The following DLG1 variants were observed in gnomAD, a reference collection of about 807,000 sequenced individuals.
DLG1 encodes the protein disks large homolog 1.
DLG1 carries 42 observed loss-of-function variants against 123.4 expected under a neutral mutation model. The observed-to-expected ratio is 0.34, with a 90% confidence interval of 0.27 to 0.44. The LOEUF is 0.44. Among genes scored for constraint, DLG1 ranks in the 20% least tolerant of loss-of-function variants. The probability of loss-of-function intolerance (pLI) is 1.00; values close to 1 mark genes in which losing one functional copy is unlikely to be tolerated. For synonymous variants in DLG1, 317 were observed against 356.2 expected (o/e 0.89, Z 1.24); for missense variants, 942 against 1,082.6 (o/e 0.87, Z 1.82).
At chr3:197,183,761 A>G (rs920128229) in intron 5 of DLG1, 1 of 1,550,470 alleles carries the variant, frequency 6.4e-7, no homozygotes, top group Non-Finnish European at 8.7e-7. Context: ...TGCCTCCTCG[A>G]CTGCCGCGAG....
In DLG1 at chr3:197,295,623, G is replaced by A. The variant is rs192172634; in HGVS notation, c.151+723C>T. 3.3e-5 allele frequency among the ~76,000 whole-genome samples: 5 copies of A among 152,240 alleles called. No individual in the cohort carries two copies. In the East Asian group the frequency reaches 5.8e-4, roughly 18 times the overall value. On this transcript the variant is annotated intron_variant, in intron 3 of 24. Transcript: ENST00000667157. ...ATAGGAGATTATACACAAAATATGA[G>A]ATGATGCTTTTAAAAATGATTTATC...
chr3:197,180,177 T>C (rs1041924253), intron 5 of DLG1, among the ~76,000 whole-genome samples: 1 of 151,426 alleles, frequency 6.6e-6, no homozygotes, highest in African/African-American at 2.4e-5. Context: ...GACTGAACAC[T>C]TCACAGTTAT....
chr3:197,087,539 T>A (rs116369250), intron 15 of DLG1, among the ~76,000 whole-genome samples: 139 of 152,214 alleles, frequency 9.1e-4, no homozygotes, highest in Non-Finnish European at 1.6e-3. Flanking sequence ...GGCTTCTGAT[T>A]AACTATAGCA....
chr3:197,201,073 T>G (rs1162037044), intron 4 of DLG1, among the ~76,000 whole-genome samples: 4 of 152,162 alleles, frequency 2.6e-5, no homozygotes, highest in Non-Finnish European at 5.9e-5. Context: ...GACATCATCT[T>G]TTATCTAAAA....
At chr3:197,096,591 G>T (rs1052718899) in intron 14 of DLG1, among the ~76,000 whole-genome samples, 1 of 152,166 alleles carries the variant, frequency 6.6e-6, no homozygotes, top group Non-Finnish European at 1.5e-5. Context: ...GAAAGAGAAG[G>T]TCTATTTTTG....
intron 4 of DLG1, among the ~76,000 whole-genome samples, chr3:197,277,739 CTTT>C (rs574355850): frequency 6.6e-6 from 1 of 152,024 alleles, no homozygotes; most frequent in African/African-American, 2.4e-5. Flanking sequence ...TTTACTCTTG[CTTT>C]TTTTTAAGTC....
chr3:197,176,194 TTA>T (rs1012518788), intron 5 of DLG1, among the ~76,000 whole-genome samples: 11 of 152,120 alleles, frequency 7.2e-5, no homozygotes, highest in African/African-American at 2.7e-4. Context: ...TTAATAGACT[TTA>T]TATATTTTTT....
chr3:197,160,624 T>C (rs1349798715), intron 5 of DLG1, among the ~76,000 whole-genome samples: 1 of 152,174 alleles, frequency 6.6e-6, no homozygotes, highest in African/African-American at 2.4e-5. Context: ...AATTCAGTCT[T>C]ATTACAGTAA....
At chr3:197,053,864 G>A (rs867365230) in intron 23 of DLG1, among the ~76,000 whole-genome samples, 33 of 152,084 alleles carry the variant, frequency 2.2e-4, no homozygotes, top group Middle Eastern at 3.4e-3. Flanking sequence ...AGGCTGAGGT[G>A]GGTGGATCAC....
intron 4 of DLG1, among the ~76,000 whole-genome samples, chr3:197,205,083 T>C (rs1340800566): frequency 6.6e-6 from 1 of 152,184 alleles, no homozygotes; most frequent in Non-Finnish European, 1.5e-5. Context: ...GTGTTCAACC[T>C]TCATATGATA....
At chr3:197,128,139 T>A (rs11707022) in intron 11 of DLG1, among the ~76,000 whole-genome samples, 53,036 of 152,038 alleles carry the variant, frequency 0.35, 9,885 homozygotes, top group South Asian at 0.45. Context: ...TGCTGGTTTG[T>A]TAGCATTTTA....
intron 4 of DLG1, among the ~76,000 whole-genome samples, chr3:197,246,524 T>C (rs1207423959): frequency 6.6e-6 from 1 of 152,164 alleles, no homozygotes; most frequent in Admixed American, 6.5e-5. Context: ...CCCCCAAAGG[T>C]TAGCTTCCTG....
Position 197,069,520 on chromosome 3 carries a change from A to G in DLG1, c.2006-260T>C, listed in dbSNP as rs577900157. On this transcript the variant is annotated intron_variant, in intron 18 of 24. Coordinates refer to ENST00000667157, the MANE Select transcript of DLG1 (RefSeq NM_001366207.1). The stretch of plus-strand genomic sequence containing the variant: ...TATTATAAATAGCAAGTAGAATATG[A>G]CAAAAAGGGCTAAGTGACCCTGAAT... 2.2e-5 allele frequency: 6 copies of G among 270,376 alleles called. No homozygotes were observed. In the South Asian group the frequency reaches 6.2e-4, roughly 28 times the overall value. 16.7% of individuals were successfully genotyped at this position (270,376 alleles called of 1,614,324 possible). A position where few individuals can be genotyped will look rare whatever the true frequency, so the allele number is the denominator to read the frequency against.
chr3:197,237,288 G>A (rs987971873), intron 4 of DLG1, among the ~76,000 whole-genome samples: 2 of 152,116 alleles, frequency 1.3e-5, no homozygotes, highest in African/African-American at 2.4e-5. Context: ...AGGAAGACAC[G>A]GCAGTCAGTC....
At chr3:197,280,335 TTTTG>T (rs1184565115) in intron 4 of DLG1, among the ~76,000 whole-genome samples, 1 of 90,840 alleles carries the variant, frequency 1.1e-5, no homozygotes, top group Non-Finnish European at 2.3e-5. Context: ...TAGTAGTCCA[TTTTG>T]TGTGTGTGTG....
chr3:197,115,812 A>T, intron 13 of DLG1, 115 bp downstream of exon 13: 2 of 1,005,190 alleles, frequency 2.0e-6, no homozygotes, highest in Non-Finnish European at 3.0e-6. Context: ...GTAAAATGTT[A>T]AGAAGATAAC....
At chr3:197,254,005 C>T (rs1755700990) in intron 4 of DLG1, among the ~76,000 whole-genome samples, 1 of 151,846 alleles carries the variant, frequency 6.6e-6, no homozygotes, top group Non-Finnish European at 1.5e-5. Context: ...TGTAAGAAGG[C>T]AGACACTTAC....
At chr3:197,104,850 G>T (rs1344906596) in intron 14 of DLG1, 53 bp downstream of exon 14, 7 of 1,261,378 alleles carry the variant, frequency 5.5e-6, no homozygotes, top group Non-Finnish European at 6.9e-6. Context: ...TAAAGAGGAA[G>T]AATTTTAAAA....
intron 5 of DLG1, among the ~76,000 whole-genome samples, chr3:197,171,405 C>A (rs1200381993): frequency 6.6e-6 from 1 of 152,140 alleles, no homozygotes; most frequent in African/African-American, 2.4e-5. Context: ...GTTATTTGAA[C>A]CAGCTTCATA....
Sources: allele counts gnomAD v4.1 joint callset (sites outside exome capture counted in the v4.1 genomes callset), GRCh38; gene constraint gnomAD v4.1.1; transcripts MANE v1.5; gene names NCBI Gene and HGNC (gene_info 2026-07-23, HGNC 2026-07-21).